Variants in MMD observed in about 807,000 individuals in gnomAD.
MMD encodes monocyte to macrophage differentiation factor.
In MMD, 22 loss-of-function variants were observed where a neutral mutation model predicts 33.6. That is an observed-to-expected ratio of 0.66 (90% CI 0.47 to 0.94). The LOEUF (loss-of-function observed/expected upper bound fraction) is 0.94. MMD is among the 40% of genes least tolerant of loss of function. MMD has a pLI of 0.00. For missense variants in MMD, 242 were observed against 309.8 expected (o/e 0.78, Z 1.64); for synonymous variants, 97 against 103.2 (o/e 0.94, Z 0.36).
At chr17:55,397,591 C>G (rs1187851265) in intron 6 of MMD, among the ~76,000 whole-genome samples, 5 of 151,860 alleles carry the variant, frequency 3.3e-5, no homozygotes, top group African/African-American at 1.2e-4. Flanking sequence ...GTGGCCCGAC[C>G]TCAGCTCACT....
At chr17:55,396,884 G>A (rs973398822) in intron 6 of MMD, among the ~76,000 whole-genome samples, 1 of 152,012 alleles carries the variant, frequency 6.6e-6, no homozygotes, top group Non-Finnish European at 1.5e-5. Flanking sequence ...CAAAGTGCTG[G>A]GATTACAGGC....
chr17:55,414,942 T>C (rs1376624462), intron 1 of MMD, among the ~76,000 whole-genome samples: 1 of 152,234 alleles, frequency 6.6e-6, no homozygotes, highest in East Asian at 1.9e-4. Context: ...AAAATTCATA[T>C]ATACACACAA....
At chr17:55,396,825 C>A (rs1485397787) in intron 6 of MMD, among the ~76,000 whole-genome samples, 1 of 151,908 alleles carries the variant, frequency 6.6e-6, no homozygotes, top group Non-Finnish European at 1.5e-5. Context: ...TCATGTCGGT[C>A]AGGCTGGTCT....
intron 3 of MMD, 110 bp from the exon 4 acceptor site, chr17:55,407,930 T>C: frequency 1.5e-6 from 1 of 682,078 alleles, no homozygotes. Context: ...TCTCATGGCC[T>C]TTACACTTGT....
At chr17:55,399,093 T>TCCTCCACC (rs762145796) in intron 6 of MMD, among the ~76,000 whole-genome samples, 8 of 152,190 alleles carry the variant, frequency 5.3e-5, no homozygotes, top group Non-Finnish European at 1.0e-4. Context: ...AATTTCTGTT[T>TCCTCCACC]CCTCCACCCA....
At chr17:55,403,726 G>C in intron 5 of MMD, 41 bp downstream of exon 5, 8 of 1,478,020 alleles carry the variant, frequency 5.4e-6, no homozygotes, top group Non-Finnish European at 7.5e-6. Context: ...TATTTAGGCA[G>C]TCAATTTTAA....
chr17:55,415,885 T>C (rs1179595588), intron 1 of MMD, among the ~76,000 whole-genome samples: 1 of 152,238 alleles, frequency 6.6e-6, no homozygotes, highest in Non-Finnish European at 1.5e-5. Context: ...TATTCTCAAA[T>C]ATAGTTAACT....
intron 5 of MMD, among the ~76,000 whole-genome samples, chr17:55,402,974 TAC>T (rs1907403877): frequency 6.6e-6 from 1 of 152,196 alleles, no homozygotes; most frequent in African/African-American, 2.4e-5. Flanking sequence ...GCACAATAGA[TAC>T]AGAATTTAAT....
At chr17:55,411,184 C>A in intron 3 of MMD, 73 bp downstream of exon 3, 2 of 1,505,048 alleles carry the variant, frequency 1.3e-6, no homozygotes, top group Non-Finnish European at 9.0e-7. Context: ...CTAAAGCATG[C>A]CAGCTTGGAA....
chr17:55,395,280 G>A (rs1907057508), intron 6 of MMD, among the ~76,000 whole-genome samples: 1 of 152,236 alleles, frequency 6.6e-6, no homozygotes. Context: ...TGGCTTGTAT[G>A]AATGAGGAGA....
At chr17:55,397,745 T>C (rs149617450) in intron 6 of MMD, among the ~76,000 whole-genome samples, 165 of 152,168 alleles carry the variant, frequency 1.1e-3, no homozygotes, top group African/African-American at 3.9e-3. Flanking sequence ...TTTCACCATG[T>C]TGGCCAGGCT....
At chr17:55,397,879 T>G (rs1300977489) in intron 6 of MMD, among the ~76,000 whole-genome samples, 1 of 152,156 alleles carries the variant, frequency 6.6e-6, no homozygotes, top group Non-Finnish European at 1.5e-5. Flanking sequence ...ATTGTATTCC[T>G]GCTCCCATGA....
Position 55,401,452 on chromosome 17 carries a change from C to A in MMD, c.516+17G>T. The A allele has an allele frequency of 6.3e-7, 1 of 1,580,516 alleles. No homozygotes were observed. Among genetic ancestry groups the A allele is most frequent in the Admixed American group, 1.9e-5 (1 of 53,734 alleles). On this transcript the variant is annotated intron_variant, in intron 6 of 6. Transcript: ENST00000262065. ...AGCTTAAAAGAAAATAACTAAAATTCTGAAGCCATGTCTTACCATTGATGT... is the reference window on the plus strand; with the variant it reads ...AGCTTAAAAGAAAATAACTAAAATTATGAAGCCATGTCTTACCATTGATGT...
At position 55,404,346 on chromosome 17, in the gene MMD, C is replaced by T. The variant is rs1040698512; in HGVS notation, c.345-478G>A. On this transcript the variant is annotated intron_variant, in intron 4 of 6. Coordinates refer to ENST00000262065, the MANE Select transcript of MMD (RefSeq NM_012329.3). Reference sequence around the variant, plus strand: ...CTCCAGTCTGGGCGACAGAGCAAGACTCCACCTAAAAAAAAAAAAGAATTA... The same window carrying T: ...CTCCAGTCTGGGCGACAGAGCAAGATTCCACCTAAAAAAAAAAAAGAATTA... 7 of 608,142 alleles carry T rather than the reference C, an allele frequency of 1.2e-5. No homozygotes were observed. In the Admixed American group the frequency reaches 2.6e-4, roughly 22 times the overall value. 37.7% of individuals were successfully genotyped at this position (608,142 alleles called of 1,614,324 possible).
At chr17:55,414,464 A>T (rs1907886225) in intron 1 of MMD, among the ~76,000 whole-genome samples, 1 of 151,924 alleles carries the variant, frequency 6.6e-6, no homozygotes, top group Non-Finnish European at 1.5e-5. Flanking sequence ...TTTATTCAAA[A>T]GAAAAACCTT....
Position 55,414,164 on chromosome 17 carries a change from C to T in MMD, c.95G>A (p.Cys32Tyr), listed in dbSNP as rs1907871379. The T allele has an allele frequency of 6.2e-7, 1 of 1,613,714 alleles. No homozygotes were observed. Among genetic ancestry groups the T allele is most frequent in the South Asian group, 1.1e-5 (1 of 91,076 alleles). Residue 32 changes from cysteine (C) to tyrosine (Y), a missense_variant, in exon 2 of 7, where the codon TGT (cysteine) becomes TAT (tyrosine). Coordinates refer to ENST00000262065, the MANE Select transcript of MMD (RefSeq NM_012329.3). Reference sequence around the variant, plus strand: ...ACTTGTACTCACTGCGTGTGTGTAACAGTTAGCAGCATGTTCATAGCAAGT... The same window carrying T: ...ACTTGTACTCACTGCGTGTGTGTAATAGTTAGCAGCATGTTCATAGCAAGT... ...KPTCYEHAAN[C>Y]YTHAFLIVPA...
chr17:55,405,421 T>C (rs1598431847), intron 4 of MMD, among the ~76,000 whole-genome samples: 1 of 151,202 alleles, frequency 6.6e-6, no homozygotes, highest in East Asian at 1.9e-4. Context: ...GAAACAAATG[T>C]TGTCCTGATT....
At position 55,414,239 on chromosome 17, in the gene MMD, A is replaced by AAACAAAAAG. The variant is rs1483227192; in HGVS notation, c.27-16_27-8dup. 4 of 1,613,510 alleles carry AAACAAAAAG rather than the reference A, an allele frequency of 2.5e-6. No individual in the cohort carries two copies. In the South Asian group the frequency reaches 4.4e-5, roughly 18 times the overall value. On this transcript the variant is annotated splice_polypyrimidine_tract_variant and splice_region_variant and intron_variant, in intron 1 of 6. Transcript: ENST00000262065. The stretch of plus-strand genomic sequence containing the variant: ...AGCTCGATGGTTCATGAACCTGTAA[A>AAACAAAAAG]AACAAAAAGAACACATGTAAGAAAA...
intron 1 of MMD, among the ~76,000 whole-genome samples, chr17:55,415,014 C>T (rs1039683659): frequency 6.6e-6 from 1 of 152,130 alleles, no homozygotes; most frequent in Non-Finnish European, 1.5e-5. Flanking sequence ...CCATATTCCG[C>T]ACTTCCCTTT....
Sources: allele counts gnomAD v4.1 joint callset (sites outside exome capture counted in the v4.1 genomes callset), GRCh38; gene constraint gnomAD v4.1.1; transcripts MANE v1.5; gene names NCBI Gene and HGNC (gene_info 2026-07-23, HGNC 2026-07-21).